The following GSE1 variants were observed in gnomAD, a reference collection of about 807,000 sequenced individuals.
GSE1 encodes Gse1 coiled-coil protein.
In GSE1, 32 loss-of-function variants were observed where a neutral mutation model predicts 112.6. That is an observed-to-expected ratio of 0.28 (90% CI 0.21 to 0.38). GSE1 has a LOEUF of 0.38. GSE1 is among the 10% of genes least tolerant of loss of function. GSE1 has a pLI of 1.00. For missense variants in GSE1, 2,348 were observed against 1,699.2 expected, an observed-to-expected ratio of 1.38 and a Z score of -6.71; for synonymous variants, 1,115 against 735.6, an observed-to-expected ratio of 1.52 and a Z score of -8.35.
In GSE1 at chr16:85,656,574, C is replaced by A; in HGVS notation, c.1221C>A (p.Ser407Arg). 1 of 1,547,708 alleles carries A rather than the reference C, an allele frequency of 6.5e-7. No individual in the cohort carries two copies. The highest frequency in any genetic ancestry group is 8.7e-7 in the Non-Finnish European group (1 of 1,145,906). Residue 407 changes from serine (S) to arginine (R), a missense_variant, in exon 7 of 16, where the codon AGC becomes AGA. Physicochemically the swap from Ser to Arg is moderately radical, Grantham distance 110. Coordinates refer to ENST00000253458, the MANE Select transcript of GSE1 (RefSeq NM_014615.5). ...TGGCCGCCAAGGCCCTGGAGCCCAG[C>A]TTCCTGCCCGTGGCCGAGCTGCATG... ...ELLAAKALEP[S>R]FLPVAELHGL...
chr16:85,229,082 T>C (rs529311074), intron 1 of GSE1, among the ~76,000 whole-genome samples: 1 of 151,994 alleles, frequency 6.6e-6, no homozygotes, highest in South Asian at 2.1e-4. Context: ...CGCTGGGGAG[T>C]TGTGGAGCAC....
intron 9 of GSE1, 22 bp downstream of exon 9, chr16:85,661,787 G>C (rs752707925): frequency 2.7e-6 from 4 of 1,483,746 alleles, no homozygotes; most frequent in Middle Eastern, 2.4e-4. Context: ...CGCGGGCCCC[G>C]AGCTGCTCAG....
At chr16:85,617,546 T>C (rs1368742618) in intron 1 of GSE1, among the ~76,000 whole-genome samples, 1 of 147,466 alleles carries the variant, frequency 6.8e-6, no homozygotes. Context: ...TGCCAGGCAG[T>C]TCAGGCCAAA....
At chr16:85,198,481 G>T (rs578192740) in intron 1 of GSE1, among the ~76,000 whole-genome samples, 3 of 152,140 alleles carry the variant, frequency 2.0e-5, no homozygotes, top group Non-Finnish European at 4.4e-5. Flanking sequence ...TGCGATGGGG[G>T]AGACAGGCCA....
chr16:85,391,752 CAT>C (rs1362515192), intron 2 of GSE1, among the ~76,000 whole-genome samples: 1 of 152,204 alleles, frequency 6.6e-6, no homozygotes, highest in Non-Finnish European at 1.5e-5. Flanking sequence ...TTCAAGCTGA[CAT>C]GTGTGCCCAA....
upstream of GSE1, chr16:85,613,284 C>G (rs1388291755): frequency 4.5e-6 from 7 of 1,539,046 alleles, no homozygotes; most frequent in South Asian, 4.8e-5. Context: ...CCAGCGGGCC[C>G]GAGCTGCCGC....
At chr16:85,537,525 C>T (rs1341526092) in intron 2 of GSE1, among the ~76,000 whole-genome samples, 2 of 152,168 alleles carry the variant, frequency 1.3e-5, no homozygotes, top group East Asian at 3.8e-4. Flanking sequence ...AGCCAGGGCT[C>T]GAGTTCTGGG....
At position 85,657,452 on chromosome 16, in the gene GSE1, G is replaced by A; in HGVS notation, c.1488G>A (p.Lys496=). 6.2e-7 allele frequency: 1 copy of A among 1,610,844 alleles called. No individual in the cohort carries two copies. Among genetic ancestry groups the A allele is most frequent in the Non-Finnish European group, 8.5e-7 (1 of 1,178,470 alleles). ...TCCAGCGCACCAATGAGGAGGAGAA[G>A]TGGCTGGCGCGGCAGCGGCGGCTGC... ...LLIQRTNEEE[K]WLARQRRLRQ... Residue 496 remains lysine, a synonymous_variant, in exon 8 of 16, where the codon AAG becomes AAA. Transcript: ENST00000253458.
intron 2 of GSE1, among the ~76,000 whole-genome samples, chr16:85,387,734 T>C (rs1000227985): frequency 3.3e-5 from 5 of 152,254 alleles, no homozygotes; most frequent in Non-Finnish European, 7.3e-5. Flanking sequence ...ATCTGTGTAG[T>C]TCACTATGTC....
At chr16:85,235,933 T>A (rs1291486571) in intron 1 of GSE1, among the ~76,000 whole-genome samples, 1 of 151,854 alleles carries the variant, frequency 6.6e-6, no homozygotes, top group Non-Finnish European at 1.5e-5. Context: ...TGCGCGCATC[T>A]GGGGAGCGAG....
chr16:85,191,127 T>G (rs1270302637), intron 1 of GSE1, among the ~76,000 whole-genome samples: 4 of 151,940 alleles, frequency 2.6e-5, no homozygotes, highest in Non-Finnish European at 5.9e-5. Flanking sequence ...GGGCGTGGTG[T>G]TGTGTGCCTG....
chr16:85,498,816 G>A (rs1421939482), intron 2 of GSE1, among the ~76,000 whole-genome samples: 1 of 152,258 alleles, frequency 6.6e-6, no homozygotes, highest in Admixed American at 6.5e-5. Context: ...TTGGGCTCCA[G>A]TTGAAGGAAC....
At chr16:85,546,289 T>C (rs142336272) in intron 2 of GSE1, among the ~76,000 whole-genome samples, 31 of 152,280 alleles carry the variant, frequency 2.0e-4, no homozygotes, top group Middle Eastern at 3.4e-3. Flanking sequence ...TTTCACCATG[T>C]TGGCCAGGCT....
chr16:85,340,004 C>G (rs998024936), intron 1 of GSE1, among the ~76,000 whole-genome samples: 1 of 152,170 alleles, frequency 6.6e-6, no homozygotes, highest in African/African-American at 2.4e-5. Flanking sequence ...CCCCTGGTCC[C>G]CACCTCTCTC....
At chr16:85,564,935 C>T (rs948540124) in intron 1 of GSE1, among the ~76,000 whole-genome samples, 13 of 152,062 alleles carry the variant, frequency 8.5e-5, no homozygotes, top group African/African-American at 2.7e-4. Flanking sequence ...AAGCAGAGCC[C>T]AGAGTTTAGG....
intron 2 of GSE1, among the ~76,000 whole-genome samples, chr16:85,515,347 C>T (rs2051893630): frequency 6.6e-6 from 1 of 152,146 alleles, no homozygotes; most frequent in Non-Finnish European, 1.5e-5. Flanking sequence ...CTCCTGCCAG[C>T]CTCCTGGGCC....
intron 2 of GSE1, among the ~76,000 whole-genome samples, chr16:85,427,668 C>A (rs1017842278): frequency 2.7e-5 from 4 of 150,056 alleles, no homozygotes; most frequent in African/African-American, 9.9e-5. Context: ...CCCATCTCTA[C>A]TAAAAATACA....
At chr16:85,322,199 A>G (rs953513752) in intron 1 of GSE1, among the ~76,000 whole-genome samples, 1 of 151,198 alleles carries the variant, frequency 6.6e-6, no homozygotes, top group Non-Finnish European at 1.5e-5. Flanking sequence ...TCAGTGTCAC[A>G]TGGCACACGT....
chr16:85,254,054 C>T (rs970987921), intron 1 of GSE1, among the ~76,000 whole-genome samples: 8 of 152,134 alleles, frequency 5.3e-5, no homozygotes, highest in African/African-American at 9.7e-5. Flanking sequence ...GGGACCCTGC[C>T]GTGTGGGGCA....
Sources: allele counts gnomAD v4.1 joint callset (sites outside exome capture counted in the v4.1 genomes callset), GRCh38; gene constraint gnomAD v4.1.1; transcripts MANE v1.5; gene names NCBI Gene and HGNC (gene_info 2026-07-23, HGNC 2026-07-21).